The following ATRNL1 variants were observed in gnomAD, a reference collection of about 807,000 sequenced individuals.
ATRNL1 encodes attractin-like protein 1.
A neutral mutation model predicts 182.7 loss-of-function variants in ATRNL1; 95 were observed. That is an observed-to-expected ratio of 0.52 (90% CI 0.44 to 0.62). ATRNL1 has a LOEUF of 0.62. Among genes scored for constraint, ATRNL1 ranks in the 20% least tolerant of loss-of-function variants. The probability of loss-of-function intolerance (pLI) is 0.00; values close to 1 mark genes in which losing one functional copy is unlikely to be tolerated. For missense variants in ATRNL1, 1,471 were observed against 1,679.5 expected (o/e 0.88, Z 2.17); for synonymous variants, 576 against 568.3 (o/e 1.01, Z -0.19).
chr10:115,284,595 C>T (rs528467798), intron 14 of ATRNL1, among the ~76,000 whole-genome samples: 56 of 152,284 alleles, frequency 3.7e-4, no homozygotes, highest in African/African-American at 9.9e-4. Context: ...CAACCGTGAA[C>T]GAACAGGAGT....
intron 24 of ATRNL1, among the ~76,000 whole-genome samples, chr10:115,506,863 A>G (rs1554981469): frequency 6.6e-6 from 1 of 152,054 alleles, no homozygotes; most frequent in South Asian, 2.1e-4. Flanking sequence ...TGGTTACCAA[A>G]ATGTGAACCC....
chr10:115,677,664 AT>A (rs748665409), intron 26 of ATRNL1, among the ~76,000 whole-genome samples: 16 of 152,032 alleles, frequency 1.1e-4, no homozygotes, highest in Non-Finnish European at 2.1e-4. Context: ...CCCTAGCTAT[AT>A]GGGACTGTAA....
chr10:115,140,342 T>G (rs1592155925), intron 5 of ATRNL1, among the ~76,000 whole-genome samples: 1 of 152,094 alleles, frequency 6.6e-6, no homozygotes, highest in Admixed American at 6.6e-5. Context: ...CCCAAACAAA[T>G]AAAAAATTCA....
chr10:115,250,943 G>A (rs114425354), intron 10 of ATRNL1, among the ~76,000 whole-genome samples: 1,721 of 152,236 alleles, frequency 0.011, 28 homozygotes, highest in African/African-American at 0.038. Context: ...AAAAGAGGGC[G>A]GAATTAATAT....
chr10:115,905,310 T>G (rs1158052729), intron 28 of ATRNL1, among the ~76,000 whole-genome samples: 1 of 152,006 alleles, frequency 6.6e-6, no homozygotes, highest in Non-Finnish European at 1.5e-5. Flanking sequence ...AACCTCAACC[T>G]GCCAGGCTCA....
chr10:115,203,197 A>C (rs1848660021), intron 8 of ATRNL1, among the ~76,000 whole-genome samples: 1 of 152,154 alleles, frequency 6.6e-6, no homozygotes, highest in Non-Finnish European at 1.5e-5. Flanking sequence ...AATTTCTTTT[A>C]TTATGGCCAT....
chr10:115,810,049 G>A (rs1438026796), intron 27 of ATRNL1, among the ~76,000 whole-genome samples: 1 of 151,884 alleles, frequency 6.6e-6, no homozygotes, highest in African/African-American at 2.4e-5. Context: ...AGAAAATCTT[G>A]TGGATTTTAC....
chr10:115,562,637 A>T (rs1413894515), intron 26 of ATRNL1, among the ~76,000 whole-genome samples: 2 of 152,106 alleles, frequency 1.3e-5, no homozygotes, highest in Non-Finnish European at 2.9e-5. Flanking sequence ...CATGATAGTG[A>T]GTTAGTTCTC....
intron 28 of ATRNL1, among the ~76,000 whole-genome samples, chr10:115,911,114 C>G (rs981652478): frequency 1.3e-5 from 2 of 151,948 alleles, no homozygotes; most frequent in African/African-American, 4.8e-5. Flanking sequence ...TAACGATTCT[C>G]ATGGCTCAGC....
intron 10 of ATRNL1, among the ~76,000 whole-genome samples, chr10:115,257,264 A>C (rs547228560): frequency 2.6e-5 from 4 of 152,234 alleles, no homozygotes; most frequent in African/African-American, 9.6e-5. Flanking sequence ...TGGGAGTCTA[A>C]GTCTCTTTGT....
Position 115,759,841 on chromosome 10 carries a change from A to ATTTTTTTTTTTTTTT in ATRNL1, c.3903+32497_3903+32511dup, listed in dbSNP as rs58578796. ...CAGGTGTGCACCACCACACCTGGCTATTTTTTTTTTTTTTTTTTTTTTTTT... is the reference window on the plus strand; with the variant it reads ...CAGGTGTGCACCACCACACCTGGCTATTTTTTTTTTTTTTTTTTTTTTTTTTTTTTTTTTTTTTTT... On this transcript the variant is annotated intron_variant, in intron 27 of 28. Coordinates refer to ENST00000355044, the MANE Select transcript of ATRNL1 (RefSeq NM_207303.4). Among the ~76,000 whole-genome samples the ATTTTTTTTTTTTTTT allele has an allele frequency of 2.9e-4, 18 of 62,686 alleles. 2 individuals are homozygous for ATTTTTTTTTTTTTTT. The highest frequency in any genetic ancestry group is 1.3e-3 in the African/African-American group (18 of 14,010). 41.1% of individuals were successfully genotyped at this position (62,686 alleles called of 152,430 possible).
chr10:115,516,242 A>G (rs1472032578), intron 24 of ATRNL1, among the ~76,000 whole-genome samples: 1 of 151,860 alleles, frequency 6.6e-6, no homozygotes, highest in Non-Finnish European at 1.5e-5. Flanking sequence ...AAGTAGAAAT[A>G]TCATCTTTCC....
intron 11 of ATRNL1, 33 bp downstream of exon 11, chr10:115,265,310 T>A (rs1592348485): frequency 7.6e-7 from 1 of 1,323,404 alleles, no homozygotes; most frequent in East Asian, 2.3e-5. Flanking sequence ...TTTTAGAGGG[T>A]CACTTATATC....
chr10:115,304,446 C>G (rs528096223), intron 17 of ATRNL1, among the ~76,000 whole-genome samples: 11 of 152,116 alleles, frequency 7.2e-5, no homozygotes, highest in Non-Finnish European at 1.2e-4. Flanking sequence ...TTAGATTAAA[C>G]AATACGGACA....
At chr10:115,809,661 A>T (rs1382667425) in intron 27 of ATRNL1, among the ~76,000 whole-genome samples, 2 of 151,990 alleles carry the variant, frequency 1.3e-5, no homozygotes, top group Admixed American at 1.3e-4. Flanking sequence ...GTGACATTGC[A>T]ACACTCAAGT....
chr10:115,632,453 A>G (rs1555026720), intron 26 of ATRNL1, among the ~76,000 whole-genome samples: 1 of 152,200 alleles, frequency 6.6e-6, no homozygotes, highest in Non-Finnish European at 1.5e-5. Flanking sequence ...AACAGTAATA[A>G]TAGGGATAAG....
chr10:115,772,878 G>A (rs1949030645), intron 27 of ATRNL1, among the ~76,000 whole-genome samples: 1 of 152,106 alleles, frequency 6.6e-6, no homozygotes, highest in South Asian at 2.1e-4. Context: ...TCATAATGCT[G>A]TGAGCAGAGA....
At chr10:115,372,274 C>T (rs539036563) in intron 19 of ATRNL1, among the ~76,000 whole-genome samples, 1 of 152,246 alleles carries the variant, frequency 6.6e-6, no homozygotes, top group South Asian at 2.1e-4. Context: ...AACCCCTCAT[C>T]CAGGTATATG....
rs201885421 is a variant in ATRNL1, at chr10:115,550,394, TA to T, written c.3795+859del. Among the ~76,000 whole-genome samples, 1,257 of 151,918 alleles carry T rather than the reference TA, an allele frequency of 8.3e-3. 16 individuals are homozygous for T. Among genetic ancestry groups the T allele is most frequent in the African/African-American group, 0.029 (1,197 of 41,540 alleles). On this transcript the variant is annotated intron_variant, in intron 26 of 28. Coordinates refer to ENST00000355044, the MANE Select transcript of ATRNL1 (RefSeq NM_207303.4). Reference sequence around the variant, plus strand: ...TACCTTCTTTTTTCCACATAAAAAATATAATATTTAAAGACATGTAAAAATA... The same window carrying T: ...TACCTTCTTTTTTCCACATAAAAAATTAATATTTAAAGACATGTAAAAATA...
Sources: gnomAD v4.1 joint callset for allele counts (sites outside exome capture counted in the v4.1 genomes callset) on GRCh38, gnomAD v4.1.1 for gene constraint, MANE v1.5 for transcripts, NCBI Gene and HGNC (gene_info 2026-07-23, HGNC 2026-07-21) for gene names.